The following FBXO4 variants were observed in gnomAD, a reference collection of about 807,000 sequenced individuals.
FBXO4 encodes F-box protein 4.
In FBXO4, 36 loss-of-function variants were observed where a neutral mutation model predicts 43.7. The ratio of observed to expected loss-of-function variants is 0.82; its 90% CI spans 0.63 to 1.09. The LOEUF (loss-of-function observed/expected upper bound fraction) is 1.09, where lower values mean the gene tolerates loss of function less well. Ranked by LOEUF, FBXO4 falls within the 50% of genes least tolerant of loss-of-function variation. The pLI, the probability that FBXO4 is intolerant of heterozygous loss-of-function variation, is 0.00. For synonymous variants in FBXO4, 180 were observed against 165.6 expected, an observed-to-expected ratio of 1.09 and a Z score of -0.67; for missense variants, 435 against 474.1, an observed-to-expected ratio of 0.92 and a Z score of 0.77.
At chr5:42,005,093 A>C in the FBXO4 span, among the ~76,000 whole-genome samples, 2 of 152,254 alleles carry the variant, frequency 1.3e-5, no homozygotes, top group African/African-American at 4.8e-5. Context: ...TCAGCCATTC[A>C]TGTTCCATGT....
At chr5:41,937,387 G>C (rs1751877506) in intron 5 of FBXO4, among the ~76,000 whole-genome samples, 2 of 152,070 alleles carry the variant, frequency 1.3e-5, no homozygotes, top group South Asian at 4.1e-4. Context: ...TACTGCAAGG[G>C]GGAAAAAACA....
the FBXO4 span, among the ~76,000 whole-genome samples, chr5:42,005,099 C>T: frequency 4.6e-5 from 7 of 152,120 alleles, no homozygotes; most frequent in African/African-American, 7.2e-5. Context: ...ATTCATGTTC[C>T]ATGTTATTTT....
At chr5:41,968,781 C>T in the FBXO4 span, among the ~76,000 whole-genome samples, 1 of 151,982 alleles carries the variant, frequency 6.6e-6, no homozygotes. Context: ...TTATTACCCT[C>T]TATGTAAATT....
At chr5:41,951,422 G>A in the FBXO4 span, 1 of 231,566 alleles carries the variant, frequency 4.3e-6, no homozygotes, top group Non-Finnish European at 8.5e-6. Flanking sequence ...TGCTGAATAG[G>A]CACAAAGCAC....
the FBXO4 span, among the ~76,000 whole-genome samples, chr5:41,978,026 G>A: frequency 1.3e-5 from 2 of 152,172 alleles, no homozygotes; most frequent in African/African-American, 4.8e-5. Context: ...CAGTTCTGCA[G>A]TCTGAATGAG....
chr5:41,956,936 T>C, the FBXO4 span, among the ~76,000 whole-genome samples: 2 of 152,108 alleles, frequency 1.3e-5, no homozygotes, highest in Admixed American at 1.3e-4. Flanking sequence ...GGTCTCGAAC[T>C]CCTGACCTTA....
rs375741262 is a variant in FBXO4 at position 41,929,697 on chromosome 5, C to G, written c.426C>G (p.Val142=). The G allele has an allele frequency of 2.8e-5, 44 of 1,594,266 alleles. No individual in the cohort carries two copies. The highest frequency in any genetic ancestry group is 3.7e-5 in the Non-Finnish European group (43 of 1,172,606). ...TDGAFFDYMA[V]YRMCCPYTRR... ...TTCTAATTGTGACAATTTTTTACAG[C>G]TATAGAATGTGCTGTCCATACACAA... is the stretch of plus-strand genomic sequence containing the variant. The change falls in exon 3 of 7, where the codon GTC becomes GTG. Residue 142 remains valine (V), a splice_region_variant and synonymous_variant. Transcript: ENST00000281623.
At chr5:42,014,465 A>C in the FBXO4 span, among the ~76,000 whole-genome samples, 12 of 152,146 alleles carry the variant, frequency 7.9e-5, no homozygotes, top group Non-Finnish European at 1.3e-4. Flanking sequence ...CAATTGCTTC[A>C]AACTATATAG....
At chr5:41,943,385 G>A (rs1200066575), downstream of FBXO4, among the ~76,000 whole-genome samples, 2 of 152,042 alleles carry the variant, frequency 1.3e-5, no homozygotes, top group African/African-American at 4.8e-5. Context: ...TATTGACATG[G>A]CCACAAGTAA....
At chr5:41,955,568 G>A in the FBXO4 span, among the ~76,000 whole-genome samples, 1 of 152,132 alleles carries the variant, frequency 6.6e-6, no homozygotes, top group African/African-American at 2.4e-5. Context: ...CACAGACAAA[G>A]CCTGGCAGTC....
At chr5:41,967,976 C>CGCTCAG in the FBXO4 span, 1 of 478,288 alleles carries the variant, frequency 2.1e-6, no homozygotes, top group Non-Finnish European at 4.3e-6. Context: ...ACCAGAGCCA[C>CGCTCAG]GCTCAGGCAT....
chr5:41,961,826 T>G, the FBXO4 span, among the ~76,000 whole-genome samples: 1 of 152,170 alleles, frequency 6.6e-6, no homozygotes, highest in African/African-American at 2.4e-5. Flanking sequence ...CAAGAACAGC[T>G]GTTTGTTGCC....
downstream of FBXO4, among the ~76,000 whole-genome samples, chr5:41,945,817 T>C (rs1202049754): frequency 6.6e-6 from 1 of 152,208 alleles, no homozygotes; most frequent in Non-Finnish European, 1.5e-5. Context: ...TTGTCTAGCT[T>C]CACAACCTAT....
the FBXO4 span, among the ~76,000 whole-genome samples, chr5:41,982,212 G>A: frequency 2.0e-5 from 3 of 152,074 alleles, no homozygotes; most frequent in African/African-American, 7.2e-5. Context: ...ATAAACATAC[G>A]TGTTCATGTG....
At chr5:42,026,374 A>G in the FBXO4 span, among the ~76,000 whole-genome samples, 1 of 151,714 alleles carries the variant, frequency 6.6e-6, no homozygotes, top group African/African-American at 2.4e-5. Context: ...TGATTTTTAT[A>G]TATAGAAATC....
the FBXO4 span, among the ~76,000 whole-genome samples, chr5:41,986,078 A>G: frequency 6.6e-6 from 1 of 152,180 alleles, no homozygotes; most frequent in Non-Finnish European, 1.5e-5. Context: ...CACTTGTGGT[A>G]GTAATAATCA....
chr5:41,936,790 G>T (rs1287773992), intron 5 of FBXO4, among the ~76,000 whole-genome samples: 2 of 152,094 alleles, frequency 1.3e-5, no homozygotes, highest in African/African-American at 4.8e-5. Flanking sequence ...GTAAGAGCAA[G>T]GAACAGAGTG....
At chr5:41,932,627 C>T (rs1751723075) in intron 3 of FBXO4, among the ~76,000 whole-genome samples, 1 of 152,100 alleles carries the variant, frequency 6.6e-6, no homozygotes, top group Non-Finnish European at 1.5e-5. Flanking sequence ...GTAGAGAAGA[C>T]AATTAGATAC....
chr5:41,961,418 G>A, the FBXO4 span, among the ~76,000 whole-genome samples: 1 of 152,142 alleles, frequency 6.6e-6, no homozygotes, highest in Non-Finnish European at 1.5e-5. Flanking sequence ...TAGTCACTAA[G>A]TTGAGGCCTA....
Sources: gnomAD v4.1 joint callset for allele counts (sites outside exome capture counted in the v4.1 genomes callset) on GRCh38, gnomAD v4.1.1 for gene constraint, MANE v1.5 for transcripts, NCBI Gene and HGNC (gene_info 2026-07-23, HGNC 2026-07-21) for gene names.